The following TRPS1 variants were observed in gnomAD, a reference collection of about 807,000 sequenced individuals.
The protein encoded by TRPS1 is zinc finger transcription factor Trps1.
TRPS1 carries 6 observed loss-of-function variants against 101.2 expected under a neutral mutation model. The ratio of observed to expected loss-of-function variants is 0.06; its 90% CI spans 0.03 to 0.12. The LOEUF (loss-of-function observed/expected upper bound fraction) is 0.12. Among genes scored for constraint, TRPS1 ranks in the 10% least tolerant of loss-of-function variants. The pLI, the probability that TRPS1 is intolerant of heterozygous loss-of-function variation, is 1.00. For missense variants in TRPS1, 1,363 were observed against 1,567.0 expected, an observed-to-expected ratio of 0.87 and a Z score of 2.20; for synonymous variants, 578 against 589.8, an observed-to-expected ratio of 0.98 and a Z score of 0.29.
chr8:115,576,090 T>C (rs1490242395), intron 5 of TRPS1, among the ~76,000 whole-genome samples: 1 of 152,118 alleles, frequency 6.6e-6, no homozygotes, highest in Non-Finnish European at 1.5e-5. Flanking sequence ...TTCCTTTAAC[T>C]TCATTCATCA....
chr8:115,587,659 T>C, intron 4 of TRPS1, 55 bp from the exon 5 acceptor site: 1 of 1,611,360 alleles, frequency 6.2e-7, no homozygotes, highest in African/African-American at 1.3e-5. Flanking sequence ...GGTTGTTTTA[T>C]TTTTAATAGC....
intron 5 of TRPS1, among the ~76,000 whole-genome samples, chr8:115,530,031 G>C (rs553292294): frequency 6.6e-6 from 1 of 151,928 alleles, no homozygotes; most frequent in Non-Finnish European, 1.5e-5. Flanking sequence ...CCTGAATATC[G>C]GGTTCCTATA....
At position 115,508,126 on chromosome 8, in the gene TRPS1, G is replaced by A. The variant is rs3808429; in HGVS notation, c.2700+78875C>T. On this transcript the variant is annotated intron_variant, in intron 5 of 6. Transcript: ENST00000395715. ...TAAGCCAATGTGCCCAGTTCATGTA[G>A]AAATTTAGTTCATGTAGAAATTAGT... 2.4e-3 allele frequency among the ~76,000 whole-genome samples: 359 copies of A among 152,166 alleles called. 8 individuals are homozygous for A. In the East Asian group the frequency reaches 0.058, roughly 24 times the overall value.
At chr8:115,559,971 A>G (rs1324842175) in intron 5 of TRPS1, among the ~76,000 whole-genome samples, 1 of 152,010 alleles carries the variant, frequency 6.6e-6, no homozygotes, top group Non-Finnish European at 1.5e-5. Context: ...CTTCATCTTG[A>G]CTTTCTTGGG....
intron 1 of TRPS1, among the ~76,000 whole-genome samples, chr8:115,662,691 T>TAAAA (rs751548438): frequency 2.1e-4 from 23 of 107,596 alleles, no homozygotes; most frequent in African/African-American, 6.0e-4. Context: ...TGACTATTTA[T>TAAAA]AAAAAAAAAA....
intron 5 of TRPS1, among the ~76,000 whole-genome samples, chr8:115,555,713 TTTTAA>T (rs1365521704): frequency 1.3e-5 from 2 of 152,158 alleles, no homozygotes; most frequent in African/African-American, 4.8e-5. Flanking sequence ...TATTGCAGAA[TTTTAA>T]AGACTAGCAG....
intron 4 of TRPS1, among the ~76,000 whole-genome samples, chr8:115,595,050 T>C (rs897314930): frequency 1.6e-4 from 24 of 152,084 alleles, no homozygotes; most frequent in African/African-American, 5.5e-4. Flanking sequence ...AAATGAAGCA[T>C]CAAAGTAAAT....
chr8:115,544,834 T>C (rs1335166221), intron 5 of TRPS1, among the ~76,000 whole-genome samples: 2 of 152,116 alleles, frequency 1.3e-5, no homozygotes, highest in Non-Finnish European at 1.5e-5. Flanking sequence ...TTACAAGTAA[T>C]TGAACTTAAC....
intron 1 of TRPS1, among the ~76,000 whole-genome samples, chr8:115,656,194 T>C (rs559096923): frequency 6.6e-6 from 1 of 152,314 alleles, no homozygotes; most frequent in South Asian, 2.1e-4. Context: ...ATTCAAGATA[T>C]ATGTGCAGAG....
intron 3 of TRPS1, among the ~76,000 whole-genome samples, chr8:115,605,693 T>C (rs1818019512): frequency 1.3e-5 from 2 of 152,204 alleles, no homozygotes; most frequent in African/African-American, 2.4e-5. Context: ...AAATCTTCCA[T>C]GCCTTATTTG....
chr8:115,548,252 C>A (rs981843601), intron 5 of TRPS1, among the ~76,000 whole-genome samples: 3 of 151,950 alleles, frequency 2.0e-5, no homozygotes, highest in Non-Finnish European at 2.9e-5. Flanking sequence ...TATAAATAAT[C>A]CTAAACCTAA....
chr8:115,435,118 T>C (rs1250394678), intron 5 of TRPS1, among the ~76,000 whole-genome samples: 1 of 152,238 alleles, frequency 6.6e-6, no homozygotes, highest in African/African-American at 2.4e-5. Context: ...TTTATACTTA[T>C]GTTTCTACTT....
chr8:115,597,987 T>C (rs1397247190), intron 4 of TRPS1, among the ~76,000 whole-genome samples: 2 of 152,224 alleles, frequency 1.3e-5, no homozygotes, highest in Non-Finnish European at 1.5e-5. Flanking sequence ...TCATCTGATA[T>C]CTTTTCAGTG....
chr8:115,617,658 G>C (rs1262410426), intron 3 of TRPS1, among the ~76,000 whole-genome samples: 1 of 152,132 alleles, frequency 6.6e-6, no homozygotes, highest in Non-Finnish European at 1.5e-5. Flanking sequence ...TTCACATACT[G>C]ACATTATTCA....
chr8:115,604,879 C>T lies in TRPS1; in HGVS notation c.1090G>A (p.Glu364Lys), dbSNP rs766460567. Residue 364 changes from glutamate to lysine, a missense_variant, in exon 4 of 7, where the codon GAA becomes AAA. By Grantham distance (56) the Glu-to-Lys change is moderately conservative. Coordinates refer to ENST00000395715, the MANE Select transcript of TRPS1 (RefSeq NM_014112.5). This position sits in a 1 kb window ranked among gnomAD's most constrained non-coding sequence, Gnocchi z 4.1. ...GGGTGAGTCTGAAGAAAATGTTGTT[C>T]TAATTCGGTGGATGAGTTGCCCATA... ...TYMGNSSTELEQHFLQTHPNK... is the reference protein window; with the variant it reads ...TYMGNSSTELKQHFLQTHPNK... 3.7e-6 allele frequency: 6 copies of T among 1,613,896 alleles called. No homozygotes were observed. Among genetic ancestry groups the T allele is most frequent in the Non-Finnish European group, 5.1e-6 (6 of 1,179,978 alleles).
chr8:115,522,480 T>C (rs1262472279), intron 5 of TRPS1, among the ~76,000 whole-genome samples: 1 of 152,032 alleles, frequency 6.6e-6, no homozygotes, highest in Non-Finnish European at 1.5e-5. Flanking sequence ...AAAAGAAGTT[T>C]TCAAAGTAAA....
intron 5 of TRPS1, among the ~76,000 whole-genome samples, chr8:115,483,361 A>ATC (rs1161188276): frequency 1.3e-5 from 2 of 151,712 alleles, no homozygotes; most frequent in African/African-American, 2.4e-5. Flanking sequence ...GTGAGACCCC[A>ATC]TCTCTATAAA....
At chr8:115,449,329 C>T (rs1813811367) in intron 5 of TRPS1, among the ~76,000 whole-genome samples, 2 of 152,242 alleles carry the variant, frequency 1.3e-5, no homozygotes, top group African/African-American at 4.8e-5. Context: ...TTTGCTTTTG[C>T]TGTGCAAAAC....
In TRPS1 at chr8:115,528,462, T is replaced by C. The variant is rs1816054084; in HGVS notation, c.2700+58539A>G. On this transcript the variant is annotated intron_variant, in intron 5 of 6. Transcript: ENST00000395715. ...AGGGTCAGGATTACAACCAATAAAG[T>C]ATGAGTCCACACCAATAAGGAAGCC... Among the ~76,000 whole-genome samples the C allele has an allele frequency of 2.0e-5, 3 of 152,028 alleles. No homozygotes were observed. The South Asian group carries it at 6.2e-4, about 31-fold the overall frequency.
Sources: allele counts gnomAD v4.1 joint callset (sites outside exome capture counted in the v4.1 genomes callset), GRCh38; gene constraint gnomAD v4.1.1; non-coding constraint Gnocchi (gnomAD v3.1); transcripts MANE v1.5; gene names NCBI Gene and HGNC (gene_info 2026-07-23, HGNC 2026-07-21).